Variants in HERPUD2 observed in about 807,000 individuals in gnomAD.
HERPUD2 encodes the protein homocysteine-responsive endoplasmic reticulum-resident ubiquitin-like domain member 2 protein.
HERPUD2 carries 13 observed loss-of-function variants against 49.9 expected under a neutral mutation model. That is an observed-to-expected ratio of 0.26 (90% CI 0.17 to 0.41). HERPUD2 has a LOEUF of 0.41. Among genes scored for constraint, HERPUD2 ranks in the 10% least tolerant of loss-of-function variants. HERPUD2 has a pLI of 1.00. For synonymous variants in HERPUD2, 172 were observed against 171.4 expected, an observed-to-expected ratio of 1.00 and a Z score of -0.03; for missense variants, 449 against 492.2, an observed-to-expected ratio of 0.91 and a Z score of 0.83.
chr7:35,659,843 C>CT lies in HERPUD2; in HGVS notation c.494+7590dup, dbSNP rs1417437550. Among the ~76,000 whole-genome samples the CT allele has an allele frequency of 3.3e-5, 5 of 151,580 alleles. No individual in the cohort carries two copies. The East Asian group carries it at 9.7e-4, about 29-fold the overall frequency. ...AATATTTGAGATTTTTCTTTTTTTT[C>CT]TTTTTTCCTGTTCTATTTCATCTTT... On this transcript the variant is annotated intron_variant, in intron 5 of 8. Coordinates refer to ENST00000311350, the MANE Select transcript of HERPUD2 (RefSeq NM_022373.5).
chr7:35,671,433 G>A (rs1189776230), intron 3 of HERPUD2, among the ~76,000 whole-genome samples: 1 of 151,978 alleles, frequency 6.6e-6, no homozygotes, highest in Non-Finnish European at 1.5e-5. Context: ...GCCTGGCAAA[G>A]GAGGTTGAAG....
Position 35,656,924 on chromosome 7 carries a change from AG to A in HERPUD2, c.494+10509del, listed in dbSNP as rs1446886397. 8.5e-4 allele frequency among the ~76,000 whole-genome samples: 129 copies of A among 151,484 alleles called. 1 individual carries two copies. Among genetic ancestry groups the A allele is most frequent in the Non-Finnish European group, 8.9e-4 (60 of 67,742 alleles). On this transcript the variant is annotated intron_variant, in intron 5 of 8. Transcript: ENST00000311350. ...AAATATAAAACTACTAAAAGAAAAC[AG>A]GGGAAACACTTCAGGATATAGGTCC... is the stretch of plus-strand genomic sequence containing the variant.
At chr7:35,685,206 C>A (rs1197301566) in intron 2 of HERPUD2, among the ~76,000 whole-genome samples, 1 of 149,990 alleles carries the variant, frequency 6.7e-6, no homozygotes, top group Non-Finnish European at 1.5e-5. Context: ...CACTGTCCTC[C>A]AACCTGGCAA....
At chr7:35,662,305 T>C (rs953123578) in intron 5 of HERPUD2, among the ~76,000 whole-genome samples, 3 of 152,364 alleles carry the variant, frequency 2.0e-5, no homozygotes, top group Admixed American at 6.5e-5. Flanking sequence ...TTTACATCGA[T>C]GTTCATCGGG....
intron 5 of HERPUD2, among the ~76,000 whole-genome samples, chr7:35,642,452 T>A (rs538337675): frequency 1.3e-5 from 2 of 152,182 alleles, no homozygotes; most frequent in Non-Finnish European, 2.9e-5. Flanking sequence ...AGCAATTCCA[T>A]TACTGGGTAT....
At chr7:35,653,912 A>ACC (rs1785221178) in intron 5 of HERPUD2, among the ~76,000 whole-genome samples, 2 of 152,136 alleles carry the variant, frequency 1.3e-5, no homozygotes, top group African/African-American at 4.8e-5. Context: ...AGGCAGAAGG[A>ACC]CTGTTTCAGC....
At chr7:35,663,883 G>T (rs1473887818) in intron 5 of HERPUD2, among the ~76,000 whole-genome samples, 1 of 152,096 alleles carries the variant, frequency 6.6e-6, no homozygotes, top group African/African-American at 2.4e-5. Flanking sequence ...GGAGCATTTA[G>T]CCCATTTACA....
At chr7:35,691,350 G>A (rs117788289) in intron 2 of HERPUD2, among the ~76,000 whole-genome samples, 1 of 152,170 alleles carries the variant, frequency 6.6e-6, no homozygotes, top group East Asian at 1.9e-4. Context: ...ACAGCATATA[G>A]ACATATGACC....
chr7:35,661,739 T>C (rs1785426622), intron 5 of HERPUD2, among the ~76,000 whole-genome samples: 1 of 152,246 alleles, frequency 6.6e-6, no homozygotes, highest in Non-Finnish European at 1.5e-5. Context: ...CCTGAGACTT[T>C]GCTGAAGTTG....
At chr7:35,650,127 T>G (rs996870982) in intron 5 of HERPUD2, among the ~76,000 whole-genome samples, 5 of 152,104 alleles carry the variant, frequency 3.3e-5, no homozygotes, top group African/African-American at 1.2e-4. Context: ...CATCTGATAC[T>G]CACCTCCTCC....
At chr7:35,655,241 C>T (rs1358890843) in intron 5 of HERPUD2, among the ~76,000 whole-genome samples, 1 of 152,136 alleles carries the variant, frequency 6.6e-6, no homozygotes, top group Non-Finnish European at 1.5e-5. Context: ...AAGGCATTAA[C>T]CTGATACTAA....
intron 6 of HERPUD2, 32 bp from the exon 7 acceptor site, chr7:35,635,490 GA>G (rs746682433): frequency 8.5e-6 from 13 of 1,532,786 alleles, no homozygotes; most frequent in East Asian, 4.5e-5. Context: ...ATATTAAAAA[GA>G]AAAAAAAACT....
In HERPUD2 at chr7:35,637,160, AAGATAGATAGATAGATAGAT is replaced by A. The variant is rs201529201; in HGVS notation, c.617+1170_617+1189del. ...AAAAAAAGAAAGAAAGAAAGAAAGA[AAGATAGATAGATAGATAGAT>A]AGATAGATAGATAGATAGATAGATA... is the stretch of plus-strand genomic sequence containing the variant. On this transcript the variant is annotated intron_variant, in intron 6 of 8. Coordinates refer to ENST00000311350, the MANE Select transcript of HERPUD2 (RefSeq NM_022373.5). Among the ~76,000 whole-genome samples the A allele has an allele frequency of 4.8e-3, 699 of 144,192 alleles. 3 individuals are homozygous for A. The highest frequency in any genetic ancestry group is 0.017 in the African/African-American group (655 of 38,280). 94.6% of individuals were successfully genotyped at this position (144,192 alleles called of 152,430 possible).
chr7:35,650,287 G>A (rs1785135991), intron 5 of HERPUD2, among the ~76,000 whole-genome samples: 1 of 151,496 alleles, frequency 6.6e-6, no homozygotes, highest in African/African-American at 2.4e-5. Flanking sequence ...TGGATGGGCT[G>A]GGAGCCTGGA....
chr7:35,681,902 G>C (rs913922906), intron 2 of HERPUD2, among the ~76,000 whole-genome samples: 5 of 152,086 alleles, frequency 3.3e-5, no homozygotes, highest in African/African-American at 1.2e-4. Flanking sequence ...AAATATTCTA[G>C]AATTAGGCAG....
intron 2 of HERPUD2, among the ~76,000 whole-genome samples, chr7:35,678,577 A>T (rs1019354751): frequency 5.9e-5 from 9 of 152,236 alleles, no homozygotes; most frequent in African/African-American, 2.2e-4. Flanking sequence ...CTGGGATTAC[A>T]GGCGCGAGCC....
intron 2 of HERPUD2, among the ~76,000 whole-genome samples, chr7:35,683,455 A>G (rs1166094271): frequency 2.6e-5 from 4 of 152,278 alleles, no homozygotes; most frequent in African/African-American, 9.6e-5. Flanking sequence ...TAAGACCTGA[A>G]GCTATAAAAA....
intron 2 of HERPUD2, among the ~76,000 whole-genome samples, chr7:35,684,121 T>C (rs967668821): frequency 4.6e-5 from 7 of 152,196 alleles, no homozygotes; most frequent in Non-Finnish European, 7.3e-5. Context: ...ACACGGTGCC[T>C]CATGCCTGTA....
In HERPUD2 at chr7:35,674,543, T is replaced by C. The variant is rs576456842; in HGVS notation, c.148-1265A>G. ...CCTGCCGAACAGCTCCTAAAATCCT[T>C]GGAATCTTCAGAAAGATGAGTATCT... On this transcript the variant is annotated intron_variant, in intron 2 of 8. Coordinates refer to ENST00000311350, the MANE Select transcript of HERPUD2 (RefSeq NM_022373.5). 3.2e-4 allele frequency among the ~76,000 whole-genome samples: 49 copies of C among 150,920 alleles called. 1 individual carries two copies. In the South Asian group the frequency reaches 9.5e-3, roughly 29 times the overall value.
Sources: gnomAD v4.1 joint callset for allele counts (sites outside exome capture counted in the v4.1 genomes callset) on GRCh38, gnomAD v4.1.1 for gene constraint, MANE v1.5 for transcripts, NCBI Gene and HGNC (gene_info 2026-07-23, HGNC 2026-07-21) for gene names.